Variants in EXOC6B observed in about 807,000 individuals in gnomAD.
EXOC6B encodes the protein SEC15 homolog B.
EXOC6B carries 54 observed loss-of-function variants against 113.5 expected under a neutral mutation model. That is an observed-to-expected ratio of 0.48 (90% CI 0.38 to 0.60). The LOEUF (loss-of-function observed/expected upper bound fraction) is 0.60, where lower values mean the gene tolerates loss of function less well. Among genes scored for constraint, EXOC6B ranks in the 20% least tolerant of loss-of-function variants. The pLI, the probability that EXOC6B is intolerant of heterozygous loss-of-function variation, is 0.00. For synonymous variants in EXOC6B, 357 were observed against 339.0 expected, an observed-to-expected ratio of 1.05 and a Z score of -0.58; for missense variants, 797 against 977.5, an observed-to-expected ratio of 0.82 and a Z score of 2.46.
chr2:72,407,420 A>G (rs1365091507), intron 18 of EXOC6B, among the ~76,000 whole-genome samples: 1 of 152,208 alleles, frequency 6.6e-6, no homozygotes, highest in Non-Finnish European at 1.5e-5. Context: ...AAAAAAAGAG[A>G]ATTTTAGACC....
At chr2:72,381,406 T>C (rs1395566166) in intron 18 of EXOC6B, among the ~76,000 whole-genome samples, 1 of 152,138 alleles carries the variant, frequency 6.6e-6, no homozygotes, top group African/African-American at 2.4e-5. Context: ...TTTTGGCTAT[T>C]ATAAACAGAG....
At chr2:72,822,316 G>A (rs1559030569) in intron 1 of EXOC6B, among the ~76,000 whole-genome samples, 1 of 152,106 alleles carries the variant, frequency 6.6e-6, no homozygotes, top group Non-Finnish European at 1.5e-5. Flanking sequence ...AATTTTTAAG[G>A]TAAAGACAAA....
intron 8 of EXOC6B, among the ~76,000 whole-genome samples, chr2:72,546,313 G>C (rs1293452919): frequency 6.6e-6 from 1 of 152,160 alleles, no homozygotes; most frequent in African/African-American, 2.4e-5. Flanking sequence ...GCCAGACGTG[G>C]TGGCACGTGC....
At position 72,731,157 on chromosome 2, in the gene EXOC6B, G is replaced by T; in HGVS notation, c.416C>A (p.Pro139Gln). ...CTTCTCCATTTCCAGTTCCTCACCT[G>T]GAAGACACAGCATTAATTTATCAAC... The part of the protein sequence containing the change: ...ATVDKLMLCL[P>Q]VLEMYSKLRD... Residue 139 changes from proline (P) to glutamine (Q), a missense_variant and splice_region_variant, in exon 4 of 22, where the codon CCA (proline) becomes CAA (glutamine). By Grantham distance (76) the Pro-to-Gln change is moderately conservative. Coordinates refer to ENST00000272427, the MANE Select transcript of EXOC6B (RefSeq NM_015189.3). 1 of 1,611,796 alleles carries T rather than the reference G, an allele frequency of 6.2e-7. No homozygotes were observed. Among genetic ancestry groups the T allele is most frequent in the Non-Finnish European group, 8.5e-7 (1 of 1,178,766 alleles).
At chr2:72,493,319 T>TTCCCC (rs1699850673) in intron 15 of EXOC6B, among the ~76,000 whole-genome samples, 9 of 114,922 alleles carry the variant, frequency 7.8e-5, no homozygotes, top group African/African-American at 1.6e-4. Flanking sequence ...TCTGTTTTTC[T>TTCCCC]CCCCCCCCCC....
chr2:72,499,969 A>C lies in EXOC6B; in HGVS notation c.1171T>G (p.Tyr391Asp). The stretch of plus-strand genomic sequence containing the variant: ...AACACAAGGTTTGGATCAGAACAGT[A>C]AGACTAAAGTAAATAAAAGACAAAG... ...TIAALRTHSS[Y>D]CSDPNLVLDL... The change falls in exon 12 of 22, where the codon TAC becomes GAC. Residue 391 changes from tyrosine (Y) to aspartate (D), a missense_variant. By Grantham distance (160) the Tyr-to-Asp change is radical. Transcript: ENST00000272427. 6.5e-7 allele frequency: 1 copy of C among 1,544,614 alleles called. No homozygotes were observed. The highest frequency in any genetic ancestry group is 2.0e-5 in the Admixed American group (1 of 50,938).
At chr2:72,186,077 AT>A (rs1187456723) in intron 20 of EXOC6B, among the ~76,000 whole-genome samples, 1 of 152,142 alleles carries the variant, frequency 6.6e-6, no homozygotes, top group Non-Finnish European at 1.5e-5. Context: ...ACATGAACTC[AT>A]CCTTTTTTAT....
chr2:72,676,532 A>G (rs1282570966), intron 6 of EXOC6B, among the ~76,000 whole-genome samples: 1 of 152,250 alleles, frequency 6.6e-6, no homozygotes, highest in Admixed American at 6.5e-5. Context: ...TTTAAGCATC[A>G]GAAGCAGAGT....
At chr2:72,445,214 T>A (rs1164426589) in intron 18 of EXOC6B, among the ~76,000 whole-genome samples, 1 of 152,304 alleles carries the variant, frequency 6.6e-6, no homozygotes, top group Non-Finnish European at 1.5e-5. Context: ...GAGTGACCAT[T>A]GCTCCAGTTC....
intron 18 of EXOC6B, among the ~76,000 whole-genome samples, chr2:72,449,632 T>C (rs1222636766): frequency 6.6e-6 from 1 of 152,138 alleles, no homozygotes; most frequent in Admixed American, 6.5e-5. Flanking sequence ...AGGTAAAAAT[T>C]CCTCCAAATT....
At chr2:72,573,060 T>A (rs1238801378) in intron 7 of EXOC6B, among the ~76,000 whole-genome samples, 2 of 152,174 alleles carry the variant, frequency 1.3e-5, no homozygotes, top group Admixed American at 6.5e-5. Flanking sequence ...TTTCCTCATC[T>A]TCTCTGGACC....
chr2:72,480,641 T>C lies in EXOC6B; in HGVS notation c.1775A>G (p.Lys592Arg). 1 of 1,586,660 alleles carries C rather than the reference T, an allele frequency of 6.3e-7. No individual in the cohort carries two copies. Among genetic ancestry groups the C allele is most frequent in the Non-Finnish European group, 8.6e-7 (1 of 1,164,762 alleles). ...NVLPETVHTT[K>R]LYGTTTFKDA... ...CTTAAAAGTTGTGGTGCCATAGAGCTTGGTAGTGTGAACTGTCTCTGGAAG... is the reference window on the plus strand; with the variant it reads ...CTTAAAAGTTGTGGTGCCATAGAGCCTGGTAGTGTGAACTGTCTCTGGAAG... Residue 592 changes from lysine to arginine, a missense_variant, in exon 17 of 22, where the codon AAG becomes AGG. Coordinates refer to ENST00000272427, the MANE Select transcript of EXOC6B (RefSeq NM_015189.3).
At chr2:72,637,515 G>A (rs1672930297) in intron 6 of EXOC6B, among the ~76,000 whole-genome samples, 1 of 133,644 alleles carries the variant, frequency 7.5e-6, no homozygotes, top group South Asian at 3.2e-4. Flanking sequence ...CTGGCCAGGT[G>A]CAGTGGCTCG....
chr2:72,634,637 G>A (rs978191108), intron 6 of EXOC6B, among the ~76,000 whole-genome samples: 1 of 152,006 alleles, frequency 6.6e-6, no homozygotes, highest in African/African-American at 2.4e-5. Flanking sequence ...CTCAACAACT[G>A]GTAGAACAAT....
At chr2:72,684,290 T>A (rs1456132767) in intron 6 of EXOC6B, among the ~76,000 whole-genome samples, 1 of 152,088 alleles carries the variant, frequency 6.6e-6, no homozygotes, top group Non-Finnish European at 1.5e-5. Flanking sequence ...CCAAAATAAA[T>A]GTTGACCACC....
intron 6 of EXOC6B, among the ~76,000 whole-genome samples, chr2:72,594,283 T>C (rs1669931736): frequency 6.6e-6 from 1 of 152,192 alleles, no homozygotes; most frequent in African/African-American, 2.4e-5. Context: ...ACAACCACTC[T>C]GTATTAAACA....
chr2:72,360,919 A>AG (rs1367254225), intron 19 of EXOC6B, among the ~76,000 whole-genome samples: 2 of 140,496 alleles, frequency 1.4e-5, no homozygotes, highest in Non-Finnish European at 3.0e-5. Flanking sequence ...CGATAAAGGA[A>AG]GACTCCATCT....
intron 6 of EXOC6B, among the ~76,000 whole-genome samples, chr2:72,605,114 C>T (rs1041229659): frequency 6.6e-6 from 1 of 151,976 alleles, no homozygotes; most frequent in Non-Finnish European, 1.5e-5. Context: ...GAAACCCTGT[C>T]TCTACTAAAA....
chr2:72,699,172 G>A (rs1678111338), intron 6 of EXOC6B, among the ~76,000 whole-genome samples: 1 of 152,128 alleles, frequency 6.6e-6, no homozygotes, highest in Non-Finnish European at 1.5e-5. Context: ...AACTCTGCTT[G>A]AAGACGTATC....
Sources: gnomAD v4.1 joint callset for allele counts (sites outside exome capture counted in the v4.1 genomes callset) on GRCh38, gnomAD v4.1.1 for gene constraint, MANE v1.5 for transcripts, NCBI Gene and HGNC (gene_info 2026-07-23, HGNC 2026-07-21) for gene names.